Variants in SBF2 observed in about 807,000 individuals in gnomAD.
SBF2 encodes the protein myotubularin-related protein 13.
SBF2 carries 112 observed loss-of-function variants against 225.2 expected under a neutral mutation model. The observed-to-expected ratio is 0.50, with a 90% CI of 0.43 to 0.58. The LOEUF (loss-of-function observed/expected upper bound fraction) is 0.58. Among genes scored for constraint, SBF2 ranks in the 20% least tolerant of loss-of-function variants. The pLI is 0.00. For synonymous variants in SBF2, 763 were observed against 773.3 expected, an observed-to-expected ratio of 0.99 and a Z score of 0.22; for missense variants, 1,996 against 2,206.2, an observed-to-expected ratio of 0.90 and a Z score of 1.91.
At chr11:9,866,216 C>A (rs1858208193) in intron 17 of SBF2, among the ~76,000 whole-genome samples, 1 of 151,938 alleles carries the variant, frequency 6.6e-6, no homozygotes, top group African/African-American at 2.4e-5. Flanking sequence ...GAAGTCCTAG[C>A]CTTAAACAAT....
Position 10,082,854 on chromosome 11 carries a change from C to T in SBF2, c.142-39873G>A, listed in dbSNP as rs1951421583. ...ATAAGGATGCTCGCTATCACCACTC[C>T]TATTCAACACAGTACTGGAAATCCC... On this transcript the variant is annotated intron_variant, in intron 2 of 39. Transcript: ENST00000256190. Among the ~76,000 whole-genome samples, 4 of 152,124 alleles carry T rather than the reference C, an allele frequency of 2.6e-5. No homozygotes were observed. In the South Asian group the frequency reaches 8.3e-4, roughly 31 times the overall value.
At chr11:9,891,564 C>G (rs1043728858) in intron 17 of SBF2, among the ~76,000 whole-genome samples, 1 of 152,084 alleles carries the variant, frequency 6.6e-6, no homozygotes, top group Non-Finnish European at 1.5e-5. Flanking sequence ...CTTGGCATAG[C>G]TAATAAATTG....
At chr11:9,988,766 T>A (rs1055918679) in intron 13 of SBF2, among the ~76,000 whole-genome samples, 1 of 151,716 alleles carries the variant, frequency 6.6e-6, no homozygotes, top group Non-Finnish European at 1.5e-5. Context: ...GATGTTGGAG[T>A]GGATGTGGTA....
chr11:10,229,480 T>C (rs533216018), intron 1 of SBF2, among the ~76,000 whole-genome samples: 1 of 152,386 alleles, frequency 6.6e-6, no homozygotes, highest in Admixed American at 6.5e-5. Flanking sequence ...TACACACTGC[T>C]TTGAATGTGT....
At chr11:10,056,439 A>T (rs1031843708) in intron 2 of SBF2, among the ~76,000 whole-genome samples, 1 of 152,016 alleles carries the variant, frequency 6.6e-6, no homozygotes, top group African/African-American at 2.4e-5. Context: ...TGTAATTCTC[A>T]TTGTAGAGAT....
chr11:10,063,366 AT>A (rs60997102), intron 2 of SBF2, among the ~76,000 whole-genome samples: 66,724 of 145,378 alleles, frequency 0.46, 15,699 homozygotes, highest in Admixed American at 0.56. Context: ...TTTTTATTTT[AT>A]TTTTTTTTGA....
chr11:10,211,443 TA>T (rs1957942384), intron 1 of SBF2, among the ~76,000 whole-genome samples: 1 of 152,246 alleles, frequency 6.6e-6, no homozygotes, highest in Non-Finnish European at 1.5e-5. Flanking sequence ...GCTTATCTTC[TA>T]CTTCAGAAAG....
intron 16 of SBF2, among the ~76,000 whole-genome samples, chr11:9,948,848 T>C (rs750144102): frequency 3.4e-4 from 51 of 152,208 alleles, no homozygotes; most frequent in Non-Finnish European, 5.7e-4. Flanking sequence ...TGTACTCACT[T>C]CTATATCTGT....
intron 2 of SBF2, among the ~76,000 whole-genome samples, chr11:10,093,683 CTG>C (rs1216515389): frequency 6.6e-6 from 1 of 152,208 alleles, no homozygotes; most frequent in African/African-American, 2.4e-5. Context: ...TCCCACTAAA[CTG>C]TGATTGTTTC....
intron 17 of SBF2, among the ~76,000 whole-genome samples, chr11:9,879,902 G>A (rs1424340451): frequency 6.6e-6 from 1 of 151,888 alleles, no homozygotes; most frequent in East Asian, 1.9e-4. Flanking sequence ...TGGCCAATGT[G>A]GCAAAACTCC....
chr11:10,287,034 C>T (rs1162262492), intron 1 of SBF2, among the ~76,000 whole-genome samples: 1 of 152,120 alleles, frequency 6.6e-6, no homozygotes, highest in Non-Finnish European at 1.5e-5. Context: ...ATGGATAAAT[C>T]GTATCATACT....
At chr11:9,949,338 C>T (rs1865730431) in intron 16 of SBF2, among the ~76,000 whole-genome samples, 1 of 152,104 alleles carries the variant, frequency 6.6e-6, no homozygotes, top group East Asian at 1.9e-4. Flanking sequence ...GCTACTGACA[C>T]ACTAATAACA....
At chr11:10,104,495 G>T (rs1333989103) in intron 2 of SBF2, among the ~76,000 whole-genome samples, 2 of 152,174 alleles carry the variant, frequency 1.3e-5, no homozygotes, top group South Asian at 2.1e-4. Flanking sequence ...CCTAACTTCC[G>T]CAACGTAGGT....
chr11:9,942,893 G>GAA, intron 16 of SBF2, among the ~76,000 whole-genome samples: 1 of 36,260 alleles, frequency 2.8e-5, no homozygotes, highest in Non-Finnish European at 6.9e-5. Context: ...AGAAAAGAAA[G>GAA]AGAGAGAGAG....
At chr11:10,172,706 G>A (rs181928821) in intron 2 of SBF2, among the ~76,000 whole-genome samples, 411 of 151,098 alleles carry the variant, frequency 2.7e-3, no homozygotes, top group Non-Finnish European at 5.2e-3. Context: ...TCACTCTGTC[G>A]CCCAGGCTGG....
At chr11:10,228,410 A>G (rs536262678) in intron 1 of SBF2, among the ~76,000 whole-genome samples, 2 of 152,130 alleles carry the variant, frequency 1.3e-5, no homozygotes, top group Admixed American at 6.6e-5. Flanking sequence ...AGTTTTCAAA[A>G]GGAATGCTTC....
At chr11:9,906,871 C>G (rs890324909) in intron 16 of SBF2, among the ~76,000 whole-genome samples, 1 of 152,184 alleles carries the variant, frequency 6.6e-6, no homozygotes, top group African/African-American at 2.4e-5. Flanking sequence ...AGAGTGAGCC[C>G]TGCAATCTTA....
chr11:10,268,274 T>G (rs557773454), intron 1 of SBF2, among the ~76,000 whole-genome samples: 42 of 152,310 alleles, frequency 2.8e-4, no homozygotes, highest in African/African-American at 1.0e-3. Flanking sequence ...ACTTAAAAAC[T>G]TGCCACAAAA....
chr11:10,217,960 C>T (rs549756071), intron 1 of SBF2, among the ~76,000 whole-genome samples: 99 of 151,982 alleles, frequency 6.5e-4, no homozygotes, highest in African/African-American at 2.1e-3. Context: ...AGTGCAGTGG[C>T]GCGATCTCAG....
Sources: gnomAD v4.1 joint callset for allele counts (sites outside exome capture counted in the v4.1 genomes callset) on GRCh38, gnomAD v4.1.1 for gene constraint, MANE v1.5 for transcripts, NCBI Gene and HGNC (gene_info 2026-07-23, HGNC 2026-07-21) for gene names.